The following CRYBG3 variants were observed in gnomAD, a reference collection of about 807,000 sequenced individuals.
CRYBG3 encodes crystallin beta-gamma domain containing 3.
In CRYBG3, 127 loss-of-function variants were observed where a neutral mutation model predicts 244.2. The observed-to-expected ratio is 0.52, with a 90% confidence interval of 0.45 to 0.60. CRYBG3 has a LOEUF of 0.60. CRYBG3 is among the 20% of genes least tolerant of loss of function. The pLI, the probability that CRYBG3 is intolerant of heterozygous loss-of-function variation, is 0.00. For synonymous variants in CRYBG3, 1,132 were observed against 1,195.8 expected, an observed-to-expected ratio of 0.95 and a Z score of 1.10; for missense variants, 3,325 against 3,442.5, an observed-to-expected ratio of 0.97 and a Z score of 0.85.
At chr3:97,926,968 T>C (rs535327145) in intron 17 of CRYBG3, among the ~76,000 whole-genome samples, 1 of 152,112 alleles carries the variant, frequency 6.6e-6, no homozygotes, top group African/African-American at 2.4e-5. Context: ...GAAAAATCAA[T>C]GTCATTAAAA....
chr3:97,937,631 CAG>C (rs2107105111), intron 19 of CRYBG3, among the ~76,000 whole-genome samples: 1 of 152,144 alleles, frequency 6.6e-6, no homozygotes, highest in South Asian at 2.1e-4. Context: ...ACACTGTATG[CAG>C]TTTATAACCC....
At chr3:97,865,112 G>C (rs1484659268) in intron 3 of CRYBG3, among the ~76,000 whole-genome samples, 1 of 152,058 alleles carries the variant, frequency 6.6e-6, no homozygotes, top group Non-Finnish European at 1.5e-5. Flanking sequence ...CTAAAATATT[G>C]CTTGAATTGA....
Position 97,872,786 on chromosome 3 carries a change from C to T in CRYBG3, c.1592C>T (p.Thr531Ile), listed in dbSNP as rs1410779300. ...NVAVREIRRE[T>I]ESASAGESIA... ...GCTGTTAGAGAAATCAGGCGAGAAA[C>T]AGAAAGTGCCTCAGCTGGTGAATCC... The change falls in exon 4 of 22, where the codon ACA becomes ATA. Residue 531 changes from threonine to isoleucine, a missense_variant. Thr to Ile is a moderately conservative substitution (Grantham distance 89). Around this residue, in one of 4 missense-constraint regions of CRYBG3, gnomAD observed 1,526 missense variants for 1,443.2 expected, o/e 1.06. Transcript: ENST00000389622. 6.5e-7 allele frequency: 1 copy of T among 1,535,858 alleles called. No homozygotes were observed. The highest frequency in any genetic ancestry group is 1.4e-5 in the African/African-American group (1 of 73,144).
Position 97,874,766 on chromosome 3 carries a change from A to T in CRYBG3, c.3572A>T (p.Asp1191Val), listed in dbSNP as rs1411502015. 6.5e-7 allele frequency: 1 copy of T among 1,535,872 alleles called. No homozygotes were observed. The highest frequency in any genetic ancestry group is 8.7e-7 in the Non-Finnish European group (1 of 1,146,872). The change falls in exon 4 of 22, where the codon GAC becomes GTC. Residue 1191 changes from aspartate to valine, a missense_variant. Physicochemically the swap from Asp to Val is radical, Grantham distance 152. Around this residue, in one of 4 missense-constraint regions of CRYBG3, gnomAD observed 1,526 missense variants for 1,443.2 expected, o/e 1.06. Transcript: ENST00000389622. ...ARRRAHDQLL[D>V]LKSSLLKKAD... ...AGAAGAGCACATGACCAACTTTTGG[A>T]CCTCAAAAGTAGTTTACTCAAAAAG...
chr3:97,922,119 G>T (rs940644497), intron 17 of CRYBG3, among the ~76,000 whole-genome samples: 1 of 152,110 alleles, frequency 6.6e-6, no homozygotes, highest in Non-Finnish European at 1.5e-5. Context: ...AATAGAGGGA[G>T]ACTATAAATC....
chr3:97,925,799 T>C (rs577307586), intron 17 of CRYBG3, among the ~76,000 whole-genome samples: 1 of 152,004 alleles, frequency 6.6e-6, no homozygotes, highest in Non-Finnish European at 1.5e-5. Context: ...TACTTCTGGG[T>C]TTTAGGTATA....
intron 18 of CRYBG3, among the ~76,000 whole-genome samples, chr3:97,934,773 A>G (rs1575976039): frequency 6.6e-6 from 1 of 152,116 alleles, no homozygotes; most frequent in Admixed American, 6.6e-5. Flanking sequence ...GATTTATTCT[A>G]TCTAAGCATA....
At chr3:97,904,560 T>G (rs1313407940) in intron 15 of CRYBG3, among the ~76,000 whole-genome samples, 1 of 152,160 alleles carries the variant, frequency 6.6e-6, no homozygotes, top group African/African-American at 2.4e-5. Context: ...GTGAAAATGT[T>G]GAAGTATAAA....
rs545280501 is a variant in CRYBG3 at position 97,873,152 on chromosome 3, G to A, written c.1958G>A (p.Ser653Asn). 80 of 1,535,768 alleles carry A rather than the reference G, an allele frequency of 5.2e-5. 2 individuals are homozygous for A. The highest frequency in any genetic ancestry group is 5.1e-4 in the African/African-American group (37 of 73,142). ...LSLDCKKLNF[S>N]ISPPTFVSGV... Reference sequence around the variant, plus strand: ...CTTGACTGTAAAAAACTAAATTTCAGTATTTCACCTCCTACCTTTGTTTCT... The same window carrying A: ...CTTGACTGTAAAAAACTAAATTTCAATATTTCACCTCCTACCTTTGTTTCT... Residue 653 changes from serine (S) to asparagine (N), a missense_variant, in exon 4 of 22, where the codon AGT (serine) becomes AAT (asparagine). Ser to Asn is a conservative substitution (Grantham distance 46). Transcript: ENST00000389622.
chr3:97,936,965 A>G (rs1426007201), intron 19 of CRYBG3, 57 bp downstream of exon 19: 1 of 1,569,920 alleles, frequency 6.4e-7, no homozygotes, highest in Non-Finnish European at 8.7e-7. Context: ...TAGAAATGTC[A>G]TAAACCACAG....
At chr3:97,889,464 A>T in intron 10 of CRYBG3, 74 bp downstream of exon 10, 4 of 1,275,972 alleles carry the variant, frequency 3.1e-6, no homozygotes. Context: ...ATTTTGAAAC[A>T]TTGGAATAAA....
chr3:97,843,044 A>G, intron 1 of CRYBG3, 151 bp from the exon 2 acceptor site: 1 of 525,892 alleles, frequency 1.9e-6, no homozygotes, highest in South Asian at 3.2e-5. Flanking sequence ...GAATTTAGAG[A>G]TTCAAATCAA....
intron 1 of CRYBG3, among the ~76,000 whole-genome samples, chr3:97,838,785 G>A (rs1402106957): frequency 6.6e-6 from 1 of 152,124 alleles, no homozygotes; most frequent in African/African-American, 2.4e-5. Flanking sequence ...TTAAGTGACA[G>A]GTTAGGAGCT....
chr3:97,879,552 A>G, intron 4 of CRYBG3, 152 bp from the exon 5 acceptor site: 1 of 571,058 alleles, frequency 1.8e-6, no homozygotes, highest in East Asian at 3.0e-5. Context: ...ATATATTTGT[A>G]TTTATATCAC....
intron 16 of CRYBG3, among the ~76,000 whole-genome samples, chr3:97,915,102 C>T (rs889072676): frequency 2.6e-5 from 4 of 152,134 alleles, no homozygotes; most frequent in Non-Finnish European, 4.4e-5. Flanking sequence ...CTTCTATACT[C>T]ATCTAAACTG....
Position 97,941,132 on chromosome 3 carries a change from G to C in CRYBG3, c.8506-16G>C. ...TTCAAAAGTTTATTTCTAAATGGCT[G>C]TTTCTCCTGTCATAGCCTGCAGTGT... On this transcript the variant is annotated splice_polypyrimidine_tract_variant and intron_variant, in intron 19 of 21. Transcript: ENST00000389622. 5.7e-6 allele frequency: 9 copies of C among 1,580,878 alleles called. No homozygotes were observed. The highest frequency in any genetic ancestry group is 7.7e-6 in the Non-Finnish European group (9 of 1,163,686).
chr3:97,890,544 A>G (rs773588554), intron 10 of CRYBG3, among the ~76,000 whole-genome samples: 7 of 152,174 alleles, frequency 4.6e-5, no homozygotes, highest in Non-Finnish European at 5.9e-5. Context: ...TGTATTTCTT[A>G]CTGAGTTTGA....
chr3:97,871,521 C>A (rs575714668), intron 3 of CRYBG3, among the ~76,000 whole-genome samples: 4 of 152,084 alleles, frequency 2.6e-5, no homozygotes, highest in African/African-American at 7.2e-5. Context: ...GTCAGACACT[C>A]CTTTGAGATT....
chr3:97,941,282 C>CT lies in CRYBG3; in HGVS notation c.8641dup (p.Cys2881LeufsTer6). On this transcript the variant is annotated frameshift_variant, in exon 20 of 22. Coordinates refer to ENST00000389622, the MANE Select transcript of CRYBG3 (RefSeq NM_153605.4). LOFTEE classifies it high-confidence loss of function. ...GAAAGAATACTCAGATCTGGTACTACTGCCGAGGACTCTTTAAATCCAAGG... is the reference window on the plus strand; with the variant it reads ...GAAAGAATACTCAGATCTGGTACTACTTGCCGAGGACTCTTTAAATCCAAGG... 1 of 1,609,278 alleles carries CT rather than the reference C, an allele frequency of 6.2e-7. No homozygotes were observed. The highest frequency in any genetic ancestry group is 8.5e-7 in the Non-Finnish European group (1 of 1,176,906).
Sources: gnomAD v4.1 joint callset for allele counts (sites outside exome capture counted in the v4.1 genomes callset) on GRCh38, gnomAD v4.1.1 for gene constraint, gnomAD v4.1.1 regional missense constraint, MANE v1.5 for transcripts, NCBI Gene and HGNC (gene_info 2026-07-23, HGNC 2026-07-21) for gene names.